Variants in DPP6 observed in about 807,000 individuals in gnomAD.
DPP6 encodes A-type potassium channel modulatory protein DPP6.
Under a neutral mutation model 122.6 loss-of-function variants are expected in DPP6, and 69 were observed. The observed-to-expected ratio is 0.56, with a 90% CI of 0.46 to 0.69. The LOEUF (loss-of-function observed/expected upper bound fraction) is 0.69, where lower values mean the gene tolerates loss of function less well. DPP6 is among the 30% of genes least tolerant of loss of function. The pLI, the probability that DPP6 is intolerant of heterozygous loss-of-function variation, is 0.00. For missense variants in DPP6, 928 were observed against 1,116.9 expected (o/e 0.83, Z 2.41); for synonymous variants, 418 against 433.1 (o/e 0.97, Z 0.43).
chr7:154,640,138 G>T (rs906569811), intron 6 of DPP6, among the ~76,000 whole-genome samples: 1 of 152,262 alleles, frequency 6.6e-6, no homozygotes, highest in East Asian at 1.9e-4. Context: ...TCTAGTCCCA[G>T]CTACTCAGGA....
chr7:154,709,618 A>C (rs1586932438), intron 7 of DPP6, among the ~76,000 whole-genome samples: 1 of 151,806 alleles, frequency 6.6e-6, no homozygotes, highest in Admixed American at 6.6e-5. Flanking sequence ...TCCACAAAAA[A>C]CAAATACTTG....
chr7:154,147,440 T>G (rs1373691148), intron 1 of DPP6, among the ~76,000 whole-genome samples: 4 of 148,026 alleles, frequency 2.7e-5, no homozygotes, highest in Non-Finnish European at 1.5e-5. Flanking sequence ...ACTTTCACTT[T>G]ATTCATTTCC....
At chr7:154,597,877 A>G (rs1011742319) in intron 5 of DPP6, among the ~76,000 whole-genome samples, 7 of 151,924 alleles carry the variant, frequency 4.6e-5, no homozygotes, top group Non-Finnish European at 8.8e-5. Context: ...TCGTCTTCAC[A>G]TGGTGCTCTC....
chr7:153,964,058 C>T (rs543229048), intron 1 of DPP6, among the ~76,000 whole-genome samples: 9 of 152,096 alleles, frequency 5.9e-5, no homozygotes, highest in East Asian at 5.8e-4. Context: ...TGCAGTGGTG[C>T]GATCTCAGCT....
chr7:153,984,872 C>A (rs1796765735), intron 1 of DPP6, among the ~76,000 whole-genome samples: 1 of 152,348 alleles, frequency 6.6e-6, no homozygotes, highest in African/African-American at 2.4e-5. Context: ...GGTGCATCTT[C>A]CAGTCTCATC....
Position 154,017,226 on chromosome 7 carries a change from C to T in DPP6, c.51+129492C>T, listed in dbSNP as rs531776999. 6.6e-5 allele frequency among the ~76,000 whole-genome samples: 10 copies of T among 152,270 alleles called. No individual in the cohort carries two copies. In the South Asian group the frequency reaches 8.3e-4, roughly 13 times the overall value. The stretch of plus-strand genomic sequence containing the variant: ...GGGACCACAGCATGTGCCCACCAAG[C>T]CCAGCTAATTTTTTGAGTTTTTGTA... On this transcript the variant is annotated intron_variant, in intron 1 of 25. Transcript: ENST00000404039.
At chr7:154,690,599 TAGAG>T (rs1178599187) in intron 7 of DPP6, among the ~76,000 whole-genome samples, 1 of 151,856 alleles carries the variant, frequency 6.6e-6, no homozygotes, top group Non-Finnish European at 1.5e-5. Flanking sequence ...CAGCTGGAAA[TAGAG>T]AGGACTGCAA....
chr7:154,176,715 G>T (rs1040701247), intron 1 of DPP6, among the ~76,000 whole-genome samples: 15 of 152,200 alleles, frequency 9.9e-5, no homozygotes, highest in African/African-American at 3.6e-4. Context: ...CACCTGCGTG[G>T]CCTGCCTTGC....
At chr7:154,019,917 A>G (rs1798616839) in intron 1 of DPP6, among the ~76,000 whole-genome samples, 1 of 152,136 alleles carries the variant, frequency 6.6e-6, no homozygotes, top group African/African-American at 2.4e-5. Flanking sequence ...ATAAGAGTCC[A>G]TGGAACCTTC....
intron 1 of DPP6, among the ~76,000 whole-genome samples, chr7:153,940,675 T>C (rs7784947): frequency 0.66 from 100,064 of 151,900 alleles, 33,873 homozygotes; most frequent in African/African-American, 0.82. Context: ...CATGTTGACA[T>C]GTGTTAAATG....
At chr7:154,057,646 G>C (rs1348673731) in intron 1 of DPP6, 1 of 150,556 alleles carries the variant, frequency 6.6e-6, no homozygotes, top group East Asian at 1.9e-4. Context: ...GATCCCAAAC[G>C]TTGCAGTATT....
At chr7:154,304,408 G>T (rs1191954870) in intron 1 of DPP6, among the ~76,000 whole-genome samples, 2 of 152,180 alleles carry the variant, frequency 1.3e-5, no homozygotes, top group Non-Finnish European at 2.9e-5. Flanking sequence ...CCAGGCAGGG[G>T]CAGTGGTACC....
chr7:154,766,636 G>A (rs1312064131), intron 8 of DPP6, among the ~76,000 whole-genome samples: 1 of 152,122 alleles, frequency 6.6e-6, no homozygotes, highest in African/African-American at 2.4e-5. Flanking sequence ...CTGTAGTGAT[G>A]GTTTTGTTCT....
intron 7 of DPP6, among the ~76,000 whole-genome samples, chr7:154,696,776 A>T (rs1004457918): frequency 3.3e-5 from 5 of 152,318 alleles, no homozygotes; most frequent in Admixed American, 1.3e-4. Context: ...GCCTTTGTTA[A>T]TGAGAACCTC....
chr7:154,218,523 C>A (rs1434697852), intron 1 of DPP6, among the ~76,000 whole-genome samples: 1 of 152,092 alleles, frequency 6.6e-6, no homozygotes, highest in Non-Finnish European at 1.5e-5. Context: ...TGCAGGAAAC[C>A]TTCATATTGC....
intron 1 of DPP6, among the ~76,000 whole-genome samples, chr7:154,231,503 C>T (rs577033330): frequency 4.6e-5 from 7 of 152,118 alleles, no homozygotes; most frequent in African/African-American, 1.4e-4. Context: ...GAGTCTGTTG[C>T]TGGGTCTAAT....
At chr7:153,993,859 C>T (rs371172188) in intron 1 of DPP6, among the ~76,000 whole-genome samples, 1 of 152,156 alleles carries the variant, frequency 6.6e-6, no homozygotes, top group East Asian at 1.9e-4. Flanking sequence ...CTGTCTTTAG[C>T]CAGGGAAGCA....
chr7:154,794,893 A>C (rs1797945202), intron 11 of DPP6, among the ~76,000 whole-genome samples: 1 of 10,812 alleles, frequency 9.2e-5, no homozygotes, highest in Non-Finnish European at 2.0e-4. Flanking sequence ...CAGGCCTTTC[A>C]GAAACTCCTT....
the DPP6 span, among the ~76,000 whole-genome samples, chr7:153,788,344 T>C: frequency 6.6e-6 from 1 of 152,208 alleles, no homozygotes; most frequent in Non-Finnish European, 1.5e-5. Context: ...TGTTCAAAAT[T>C]AAGTCGTCTG....
Sources: gnomAD v4.1 joint callset for allele counts (sites outside exome capture counted in the v4.1 genomes callset) on GRCh38, gnomAD v4.1.1 for gene constraint, MANE v1.5 for transcripts, NCBI Gene and HGNC (gene_info 2026-07-23, HGNC 2026-07-21) for gene names.